The following WNK2 variants were observed in gnomAD, a reference collection of about 807,000 sequenced individuals.
WNK2 encodes the protein serine/threonine-protein kinase WNK2.
In WNK2, 67 loss-of-function variants were observed where a neutral mutation model predicts 192.1. That is an observed-to-expected ratio of 0.35 (90% CI 0.29 to 0.43). WNK2 has a LOEUF of 0.43. WNK2 is among the 20% of genes least tolerant of loss of function. WNK2 has a pLI of 1.00. For missense variants in WNK2, 2,698 were observed against 3,089.7 expected, an observed-to-expected ratio of 0.87 and a Z score of 3.01; for synonymous variants, 1,439 against 1,393.9, an observed-to-expected ratio of 1.03 and a Z score of -0.72.
At chr9:93,234,390 T>C (rs1839451218) in intron 4 of WNK2, among the ~76,000 whole-genome samples, 1 of 152,222 alleles carries the variant, frequency 6.6e-6, no homozygotes, top group African/African-American at 2.4e-5. Flanking sequence ...GGTAGCTCCG[T>C]AGCAACCCAA....
rs538997361 is a variant in WNK2, at chr9:93,291,100, G to A, written c.4936+1053G>A. Among the ~76,000 whole-genome samples the A allele has an allele frequency of 5.7e-4, 87 of 152,328 alleles. 1 individual carries two copies. The South Asian group carries it at 0.018, about 31-fold the overall frequency. On this transcript the variant is annotated intron_variant, in intron 21 of 29. Coordinates refer to ENST00000427277, the MANE Select transcript of WNK2 (RefSeq NM_006648.4). ...GGCTCTGGGGTCAGAAGCTGTGCAC[G>A]CAGAGAACTGGTGATGTTTAGCCTG...
chr9:93,263,825 G>C, intron 15 of WNK2, 91 bp downstream of exon 15: 1 of 546,432 alleles, frequency 1.8e-6, no homozygotes, highest in Non-Finnish European at 3.0e-6. Flanking sequence ...GTGTGGTGGG[G>C]GTGGGGGGGA....
intron 19 of WNK2, 107 bp downstream of exon 19, chr9:93,268,853 G>A (rs746821287): frequency 1.9e-6 from 3 of 1,574,356 alleles, no homozygotes; most frequent in South Asian, 1.2e-5. Flanking sequence ...CATGCAGGGG[G>A]CTCACCCTGC....
At chr9:93,308,038 G>T in intron 27 of WNK2, 1 of 478,230 alleles carries the variant, frequency 2.1e-6, no homozygotes, top group Non-Finnish European at 3.7e-6. Context: ...GGGCAGCGGT[G>T]GGCACAGAGT....
intron 2 of WNK2, among the ~76,000 whole-genome samples, chr9:93,190,808 G>T (rs1439649651): frequency 6.6e-6 from 1 of 152,202 alleles, no homozygotes; most frequent in Admixed American, 6.5e-5. Context: ...TGCTTCACGG[G>T]TCACCCGCGT....
At chr9:93,317,938 T>G (rs982072496) in intron 29 of WNK2, 10 of 1,607,146 alleles carry the variant, frequency 6.2e-6, no homozygotes, top group Non-Finnish European at 8.5e-6. Flanking sequence ...CCCCACCGCC[T>G]GCTGTGGGCA....
intron 2 of WNK2, among the ~76,000 whole-genome samples, chr9:93,226,268 C>G (rs1369259801): frequency 6.6e-6 from 1 of 152,212 alleles, no homozygotes; most frequent in Non-Finnish European, 1.5e-5. Flanking sequence ...GGGCCATTTT[C>G]TTCTAAATCG....
chr9:93,295,672 C>T (rs1012062766), intron 23 of WNK2, among the ~76,000 whole-genome samples: 3 of 151,850 alleles, frequency 2.0e-5, no homozygotes, highest in African/African-American at 7.3e-5. Context: ...ACAGGGAGGC[C>T]CAGCTCCACT....
Position 93,289,311 on chromosome 9 carries a change from G to A in WNK2, c.4557G>A (p.Leu1519=). 1.3e-6 allele frequency: 2 copies of A among 1,599,468 alleles called. No individual in the cohort carries two copies. The highest frequency in any genetic ancestry group is 2.2e-5 in the South Asian group (2 of 89,308). ...CCTCCCAGCTCCCAAGCCCACCCCT[G>A]GGGCCCACCGTCCCCCCACAGCCAC... The part of the protein sequence containing the change: ...LATSQLPSPP[L]GPTVPPQPPS... The change falls in exon 20 of 30, where the codon CTG becomes CTA. Residue 1519 remains leucine, a synonymous_variant. Coordinates refer to ENST00000427277, the MANE Select transcript of WNK2 (RefSeq NM_006648.4).
At chr9:93,219,457 C>A (rs558825778) in intron 2 of WNK2, among the ~76,000 whole-genome samples, 67 of 152,374 alleles carry the variant, frequency 4.4e-4, no homozygotes, top group African/African-American at 1.5e-3. Context: ...AGGGAGGAAG[C>A]CCTTTCCCTT....
chr9:93,249,946 G>T (rs1451966004), intron 8 of WNK2, among the ~76,000 whole-genome samples: 1 of 103,870 alleles, frequency 9.6e-6, no homozygotes, highest in African/African-American at 3.9e-5. Flanking sequence ...AGACAGTCTC[G>T]CTCTGTCTCC....
At chr9:93,203,756 G>T (rs913469554) in intron 2 of WNK2, among the ~76,000 whole-genome samples, 6 of 152,166 alleles carry the variant, frequency 3.9e-5, no homozygotes, top group Admixed American at 1.3e-4. Context: ...GGAAGGGACC[G>T]TGGGACAGGG....
chr9:93,307,964 G>A (rs1389786673), intron 27 of WNK2: 3 of 272,254 alleles, frequency 1.1e-5, no homozygotes, highest in African/African-American at 2.2e-5. Flanking sequence ...CCATGACTCC[G>A]AAGCCCAGTG....
chr9:93,249,933 T>TTTTTTA (rs1554710500), intron 8 of WNK2, among the ~76,000 whole-genome samples: 6 of 144,938 alleles, frequency 4.1e-5, no homozygotes, highest in Non-Finnish European at 6.0e-5. Flanking sequence ...TTTTTTTTTT[T>TTTTTTA]AAAGACAGTC....
chr9:93,185,805 C>G (rs572554540), intron 2 of WNK2, among the ~76,000 whole-genome samples, 195 bp downstream of exon 2: 3 of 152,296 alleles, frequency 2.0e-5, no homozygotes, highest in African/African-American at 7.2e-5. Context: ...TGGCTGTGTC[C>G]GTGCGCAGGT....
intron 29 of WNK2, chr9:93,319,060 C>G: frequency 6.2e-7 from 1 of 1,608,894 alleles, no homozygotes; most frequent in Non-Finnish European, 8.5e-7. Flanking sequence ...GTACTGGGCC[C>G]CCTTGCCCTG....
At position 93,258,996 on chromosome 9, in the gene WNK2, C is replaced by A; in HGVS notation, c.2448C>A (p.Ala816=). Residue 816 remains alanine (A), a synonymous_variant, in exon 12 of 30, where the codon GCC becomes GCA. Transcript: ENST00000427277. The part of the protein sequence containing the change: ...PLAGIDGLPP[A]LPDLPTATVP... The stretch of plus-strand genomic sequence containing the variant: ...CGGGAATCGACGGCCTCCCTCCGGC[C>A]CTCCCAGACCTGCCGACCGCGACTG... The A allele has an allele frequency of 1.2e-6, 2 of 1,613,004 alleles. No homozygotes were observed. Among genetic ancestry groups the A allele is most frequent in the South Asian group, 1.1e-5 (1 of 91,072 alleles).
rs764893227 is a variant in WNK2, at chr9:93,299,188, C to T, written c.6042C>T (p.Cys2014=). Residue 2014 remains cysteine, a synonymous_variant, in exon 25 of 30, where the codon TGC becomes TGT. Transcript: ENST00000427277. ...AGGCAGTGCAGACCCAGCAGCCCTG[C>T]TCCGTCCGGGCCTCCCTGTCTTCGG... ...SGKAVQTQQP[C]SVRASLSSDI... is the part of the protein sequence containing the mutation. 6.2e-7 allele frequency: 1 copy of T among 1,607,608 alleles called. No homozygotes were observed. The highest frequency in any genetic ancestry group is 1.3e-5 in the African/African-American group (1 of 74,838).
chr9:93,261,755 G>GTGT (rs1564115199), intron 12 of WNK2, 59 bp from the exon 13 acceptor site: 2 of 1,534,974 alleles, frequency 1.3e-6, no homozygotes, highest in Non-Finnish European at 1.8e-6. Context: ...ACCTGGGCAC[G>GTGT]GCCCCCTCAG....
Sources: allele counts gnomAD v4.1 joint callset (sites outside exome capture counted in the v4.1 genomes callset), GRCh38; gene constraint gnomAD v4.1.1; transcripts MANE v1.5; gene names NCBI Gene and HGNC (gene_info 2026-07-23, HGNC 2026-07-21).